Variants in PCDHGB3 observed in about 807,000 individuals in gnomAD.
The protein encoded by PCDHGB3 is protocadherin gamma subfamily B, 3.
Under a neutral mutation model 59.2 loss-of-function variants are expected in PCDHGB3, and 40 were observed. The observed-to-expected ratio is 0.68, with a 90% CI of 0.52 to 0.88. PCDHGB3 has a LOEUF of 0.88. Ranked by LOEUF, PCDHGB3 falls within the 40% of genes least tolerant of loss-of-function variation. The probability of loss-of-function intolerance (pLI) is 0.00; values close to 1 mark genes in which losing one functional copy is unlikely to be tolerated. For synonymous variants in PCDHGB3, 581 were observed against 503.6 expected, an observed-to-expected ratio of 1.15 and a Z score of -2.06; for missense variants, 1,309 against 1,187.9, an observed-to-expected ratio of 1.10 and a Z score of -1.50.
At position 141,476,051 on chromosome 5, in the gene PCDHGB3, GA is replaced by G; in HGVS notation, c.2416-18753del. On this transcript the variant is annotated intron_variant, in intron 1 of 3. Transcript: ENST00000576222. This position sits in a 1 kb window ranked among gnomAD's most constrained non-coding sequence, Gnocchi z 7.6. ...CCCAGCGCCCAAGCGCTAACCCGCT[GA>G]AAGTTTCTCAGCGAAATCTCAGGGA... 1.3e-6 allele frequency: 2 copies of G among 1,504,270 alleles called. No individual in the cohort carries two copies. The highest frequency in any genetic ancestry group is 1.8e-6 in the Non-Finnish European group (2 of 1,133,694). The allele number at this position is 1,504,270 out of a possible 1,614,324, so 93.2% of individuals were successfully genotyped here.
rs746696159 is a variant in PCDHGB3 at position 141,383,050 on chromosome 5, G to T, written c.2415+10241G>T. 23 of 1,613,778 alleles carry T rather than the reference G, an allele frequency of 1.4e-5. No individual in the cohort carries two copies. The Admixed American group carries it at 1.7e-4, about 12-fold the overall frequency. ...GTCCTTTGTGGGAGACATCGCCAAG[G>T]ACCTGGGGCTGGAGCCCCGGGAGCT... On this transcript the variant is annotated intron_variant, in intron 1 of 3. Transcript: ENST00000576222.
chr5:141,409,275 A>G (rs1266955919), intron 1 of PCDHGB3: 1 of 1,614,020 alleles, frequency 6.2e-7, no homozygotes, highest in South Asian at 1.1e-5. Flanking sequence ...CAGATTTTGG[A>G]GAATTCACCT....
At chr5:141,419,588 A>T in intron 1 of PCDHGB3, 1 of 1,611,830 alleles carries the variant, frequency 6.2e-7, no homozygotes, top group East Asian at 2.2e-5. Flanking sequence ...GCTCTTCGAC[A>T]CAGTGCCGCG....
chr5:141,412,973 C>G, intron 1 of PCDHGB3: 1 of 528,318 alleles, frequency 1.9e-6, no homozygotes, highest in Non-Finnish European at 3.3e-6. Flanking sequence ...GGAGAGAAAA[C>G]GCAGCCAGAG....
intron 1 of PCDHGB3, chr5:141,442,120 C>G (rs766641164): frequency 6.0e-6 from 1 of 165,340 alleles, no homozygotes; most frequent in Admixed American, 6.5e-5. Flanking sequence ...CCCTCGTCGC[C>G]GACAGCCTGC....
chr5:141,420,382 C>A, intron 1 of PCDHGB3: 1 of 1,300,530 alleles, frequency 7.7e-7, no homozygotes. Flanking sequence ...ATAGAGTTCG[C>A]AAAATATAGG....
At chr5:141,421,120 G>T (rs747126094) in intron 1 of PCDHGB3, 4 of 779,870 alleles carry the variant, frequency 5.1e-6, no homozygotes, top group Non-Finnish European at 7.9e-6. Flanking sequence ...ATTTTCCTTC[G>T]CTTTCTGATA....
At position 141,404,183 on chromosome 5, in the gene PCDHGB3, G is replaced by A; in HGVS notation, c.2415+31374G>A. The A allele has an allele frequency of 1.2e-6, 2 of 1,613,154 alleles. No individual in the cohort carries two copies. Among genetic ancestry groups the A allele is most frequent in the South Asian group, 1.1e-5 (1 of 90,926 alleles). On this transcript the variant is annotated intron_variant, in intron 1 of 3. Coordinates refer to ENST00000576222, the MANE Select transcript of PCDHGB3 (RefSeq NM_018924.5). Reference sequence around the variant, plus strand: ...CAGATTGTTGACGGCCCAAATTCTTGACCGAGAAAAAGCCTCAGAATATAA... The same window carrying A: ...CAGATTGTTGACGGCCCAAATTCTTAACCGAGAAAAAGCCTCAGAATATAA...
chr5:141,418,126 A>G (rs2096226975), intron 1 of PCDHGB3: 3 of 1,613,994 alleles, frequency 1.9e-6, no homozygotes, highest in Non-Finnish European at 2.5e-6. Context: ...TGAAGGACCG[A>G]ATAGACCGTG....
intron 1 of PCDHGB3, chr5:141,420,054 G>A (rs1355002535): frequency 6.2e-7 from 1 of 1,614,070 alleles, no homozygotes; most frequent in East Asian, 2.2e-5. Context: ...TCAGTTCTCT[G>A]CTCCAAGTCC....
chr5:141,402,098 C>G (rs2094224797), intron 1 of PCDHGB3, among the ~76,000 whole-genome samples: 1 of 152,048 alleles, frequency 6.6e-6, no homozygotes, highest in Non-Finnish European at 1.5e-5. Context: ...AAAGTTTAAG[C>G]AATTACAAAA....
intron 1 of PCDHGB3, chr5:141,389,481 C>G (rs372276550): frequency 3.7e-5 from 60 of 1,612,962 alleles, no homozygotes; most frequent in African/African-American, 8.0e-5. Flanking sequence ...ACTGCAGGCC[C>G]GCGACCAGGG....
At position 141,486,622 on chromosome 5, in the gene PCDHGB3, C is replaced by T. The variant is rs1320329216; in HGVS notation, c.2416-8185C>T. On this transcript the variant is annotated intron_variant, in intron 1 of 3. Coordinates refer to ENST00000576222, the MANE Select transcript of PCDHGB3 (RefSeq NM_018924.5). The surrounding 1 kb of genome is among the most constrained non-coding windows in gnomAD (Gnocchi z 5.0). ...GCTCCCTTGCAGCCTCTGACCCAGACTCTGGCTTGAATGCGCTTATCTCCT... is the reference window on the plus strand; with the variant it reads ...GCTCCCTTGCAGCCTCTGACCCAGATTCTGGCTTGAATGCGCTTATCTCCT... 6.2e-7 allele frequency: 1 copy of T among 1,613,574 alleles called. No individual in the cohort carries two copies. The highest frequency in any genetic ancestry group is 8.5e-7 in the Non-Finnish European group (1 of 1,180,042).
In PCDHGB3 at chr5:141,370,715, A is replaced by C. The variant is rs767773166; in HGVS notation, c.321A>C (p.Glu107Asp). 5.0e-6 allele frequency: 8 copies of C among 1,613,816 alleles called. No homozygotes were observed. Among genetic ancestry groups the C allele is most frequent in the East Asian group, 2.2e-5 (1 of 44,872 alleles). The change falls in exon 1 of 4, where the codon GAA becomes GAC. Residue 107 changes from glutamate to aspartate, a missense_variant. By Grantham distance (45) the Glu-to-Asp change is conservative (BLOSUM62 2). Coordinates refer to ENST00000576222, the MANE Select transcript of PCDHGB3 (RefSeq NM_018924.5). The stretch of plus-strand genomic sequence containing the variant: ...AGTCGACGTGTGTTCTGGAATTTGA[A>C]ATGGTTGCTGAAAAGCCTTTAAACT... ...GKKSTCVLEF[E>D]MVAEKPLNFF...
At chr5:141,445,844 A>T (rs979756627) in intron 1 of PCDHGB3, among the ~76,000 whole-genome samples, 3 of 152,216 alleles carry the variant, frequency 2.0e-5, no homozygotes, top group Admixed American at 1.3e-4. Context: ...TGTAAATCAC[A>T]CTTAAAATTC....
In PCDHGB3 at chr5:141,419,475, C is replaced by T. The variant is rs775720158; in HGVS notation, c.2415+46666C>T. On this transcript the variant is annotated intron_variant, in intron 1 of 3. Coordinates refer to ENST00000576222, the MANE Select transcript of PCDHGB3 (RefSeq NM_018924.5). Reference sequence around the variant, plus strand: ...ACGCTGCAGGCCCGCGACCAGGGCTCGCCCGCGCTCAGCGCCAATGTGAGC... The same window carrying T: ...ACGCTGCAGGCCCGCGACCAGGGCTTGCCCGCGCTCAGCGCCAATGTGAGC... The T allele has an allele frequency of 4.6e-5, 74 of 1,612,266 alleles. No homozygotes were observed. The highest frequency in any genetic ancestry group is 5.9e-5 in the Non-Finnish European group (70 of 1,179,514).
At chr5:141,379,474 T>C (rs1775619669) in intron 1 of PCDHGB3, 1 of 152,258 alleles carries the variant, frequency 6.6e-6, no homozygotes, top group Non-Finnish European at 1.5e-5. Context: ...AGTGTGAATG[T>C]TATTTTACTA....
rs760676891 is a variant in PCDHGB3, at chr5:141,413,180, CCGCTCAAAGGAAT to C, written c.2415+40386_2415+40398del. The C allele has an allele frequency of 6.9e-5, 111 of 1,602,612 alleles. No individual in the cohort carries two copies. The East Asian group carries it at 9.6e-4, about 14-fold the overall frequency. ...GAATTCTGTAACCAGACTACAATGG[CCGCTCAAAGGAAT>C]CGCTCAAAGGAATCAAAGGATTGCA... On this transcript the variant is annotated intron_variant, in intron 1 of 3. Transcript: ENST00000576222.
In PCDHGB3 at chr5:141,415,715, T is replaced by G. The variant is rs1051923200; in HGVS notation, c.2415+42906T>G. 4 of 1,428,132 alleles carry G rather than the reference T, an allele frequency of 2.8e-6. No individual in the cohort carries two copies. In the African/African-American group the frequency reaches 4.5e-5, roughly 16 times the overall value. The allele number at this position is 1,428,132 out of a possible 1,614,324, so 88.5% of individuals were successfully genotyped here. Reference sequence around the variant, plus strand: ...GAAAGTGTAAATGCTAAAACACTGATGAGTAGAATTTGATGTTTATTAAGG... The same window carrying G: ...GAAAGTGTAAATGCTAAAACACTGAGGAGTAGAATTTGATGTTTATTAAGG... On this transcript the variant is annotated intron_variant, in intron 1 of 3. Transcript: ENST00000576222.
Sources: gnomAD v4.1 joint callset for allele counts (sites outside exome capture counted in the v4.1 genomes callset) on GRCh38, gnomAD v4.1.1 for gene constraint, Gnocchi (gnomAD v3.1) non-coding constraint, MANE v1.5 for transcripts, NCBI Gene and HGNC (gene_info 2026-07-23, HGNC 2026-07-21) for gene names.